Variants in TG observed in about 807,000 individuals in gnomAD.
The protein encoded by TG is thyroglobulin.
A neutral mutation model predicts 324.7 loss-of-function variants in TG; 270 were observed. That is an observed-to-expected ratio of 0.83 (90% CI 0.75 to 0.92). TG has a LOEUF of 0.92. Among genes scored for constraint, TG ranks in the 40% least tolerant of loss-of-function variants. The probability of loss-of-function intolerance (pLI) is 0.00; values close to 1 mark genes in which losing one functional copy is unlikely to be tolerated. For missense variants in TG, 3,591 were observed against 3,456.4 expected, an observed-to-expected ratio of 1.04 and a Z score of -0.98; for synonymous variants, 1,401 against 1,327.0, an observed-to-expected ratio of 1.06 and a Z score of -1.21.
At chr8:132,875,259 T>A (rs956644310) in intron 5 of TG, among the ~76,000 whole-genome samples, 5 of 152,208 alleles carry the variant, frequency 3.3e-5, no homozygotes, top group Non-Finnish European at 7.3e-5. Context: ...TGAGAGCAAG[T>A]ATAAATCTCA....
intron 34 of TG, 129 bp from the exon 35 acceptor site, chr8:132,983,221 G>A: frequency 4.2e-6 from 4 of 948,410 alleles, no homozygotes; most frequent in South Asian, 1.3e-5. Context: ...ACCGATACAG[G>A]TTGGGACAAT....
intron 45 of TG, among the ~76,000 whole-genome samples, chr8:133,121,006 G>GACA (rs1425247825): frequency 6.6e-6 from 1 of 152,152 alleles, no homozygotes; most frequent in Non-Finnish European, 1.5e-5. Context: ...TGTCCCTAGA[G>GACA]ACAGGGTTCC....
At chr8:133,047,777 C>A in intron 41 of TG, 1 of 1,018,392 alleles carries the variant, frequency 9.8e-7, no homozygotes, top group Non-Finnish European at 1.6e-6. Context: ...CAGCCAGGAG[C>A]AAAACATGCT....
In TG at chr8:132,915,899, A is replaced by G. The variant is rs77630579; in HGVS notation, c.4378+2634A>G. On this transcript the variant is annotated intron_variant, in intron 20 of 47. Transcript: ENST00000220616. ...ATCCTCTTACTCCAAAGGGTTGGAA[A>G]GATCCAGAATGGAAGTCTCAAAAGC... Among the ~76,000 whole-genome samples, 1,465 of 152,334 alleles carry G rather than the reference A, an allele frequency of 9.6e-3. 25 individuals carry two copies. The highest frequency in any genetic ancestry group is 0.033 in the African/African-American group (1,387 of 41,570).
chr8:132,872,427 A>G (rs1460704055), intron 4 of TG, among the ~76,000 whole-genome samples: 3 of 148,802 alleles, frequency 2.0e-5, no homozygotes, highest in East Asian at 2.0e-4. Context: ...GCAGTGAGCC[A>G]AGATCGCGCC....
chr8:133,067,813 G>A (rs2981293), intron 41 of TG, among the ~76,000 whole-genome samples: 32,591 of 122,544 alleles, frequency 0.27, 4,716 homozygotes, highest in East Asian at 0.55. Flanking sequence ...AGAAAGAAAG[G>A]AAGGAAGGAA....
intron 41 of TG, among the ~76,000 whole-genome samples, chr8:133,043,542 A>G (rs1257275167): frequency 6.6e-6 from 1 of 152,202 alleles, no homozygotes; most frequent in Non-Finnish European, 1.5e-5. Context: ...TACATGAACG[A>G]TTGTGTTTAA....
intron 35 of TG, among the ~76,000 whole-genome samples, chr8:133,010,889 T>A (rs140585044): frequency 3.4e-4 from 51 of 152,096 alleles, no homozygotes; most frequent in African/African-American, 1.2e-3. Flanking sequence ...CAGAGAGCAG[T>A]TGGAGGGCAC....
chr8:133,004,318 G>A (rs571192799), intron 35 of TG, among the ~76,000 whole-genome samples: 1 of 152,190 alleles, frequency 6.6e-6, no homozygotes, highest in Non-Finnish European at 1.5e-5. Context: ...GGGCTGATCT[G>A]TCAATTACCA....
At chr8:133,102,654 C>A in intron 43 of TG, 2 of 1,259,500 alleles carry the variant, frequency 1.6e-6, no homozygotes, top group South Asian at 2.6e-5. Flanking sequence ...CAGTCGCTGT[C>A]ATGGGGAATT....
At chr8:132,968,251 C>A (rs1474096184) in intron 31 of TG, among the ~76,000 whole-genome samples, 1 of 152,122 alleles carries the variant, frequency 6.6e-6, no homozygotes, top group African/African-American at 2.4e-5. Context: ...AATGTTTATT[C>A]ACACTTAAAA....
chr8:132,965,467 A>G (rs921025672), intron 29 of TG, among the ~76,000 whole-genome samples: 8 of 152,228 alleles, frequency 5.3e-5, no homozygotes, highest in Non-Finnish European at 1.2e-4. Context: ...GGAGGTATAT[A>G]TGGGATGTAG....
chr8:132,889,800 G>A (rs1326984767), intron 10 of TG, among the ~76,000 whole-genome samples: 1 of 152,160 alleles, frequency 6.6e-6, no homozygotes, highest in African/African-American at 2.4e-5. Flanking sequence ...TTTTGAGACT[G>A]AGTTTCGCTC....
chr8:132,872,477 CAAAAAAA>C (rs11359047), intron 4 of TG, among the ~76,000 whole-genome samples: 1 of 73,154 alleles, frequency 1.4e-5, no homozygotes, highest in Admixed American at 1.6e-4. Context: ...GACTCCGTCT[CAAAAAAA>C]AAAAAAAAAA....
In TG at chr8:132,966,668, C is replaced by T. The variant is rs1828609922; in HGVS notation, c.5657C>T (p.Ala1886Val). The change falls in exon 30 of 48, where the codon GCC becomes GTC. Residue 1886 changes from alanine (A) to valine (V), a missense_variant. Coordinates refer to ENST00000220616, the MANE Select transcript of TG (RefSeq NM_003235.5). ...KHWLFKHLFSAQQANLWCLSR... is the reference protein window; with the variant it reads ...KHWLFKHLFSVQQANLWCLSR... The stretch of plus-strand genomic sequence containing the variant: ...TGGCTTTTCAAGCACCTGTTTTCAG[C>T]CCAGCAGGCAAACCTATGGTGCCTT... 1 of 1,613,972 alleles carries T rather than the reference C, an allele frequency of 6.2e-7. No homozygotes were observed. Among genetic ancestry groups the T allele is most frequent in the South Asian group, 1.1e-5 (1 of 91,084 alleles).
rs1016185504 is a variant in TG at position 132,898,205 on chromosome 8, T to C, written c.3176T>C (p.Ile1059Thr). 2.5e-6 allele frequency: 4 copies of C among 1,605,802 alleles called. No individual in the cohort carries two copies. The highest frequency in any genetic ancestry group is 1.7e-6 in the Non-Finnish European group (2 of 1,176,410). Residue 1059 changes from isoleucine (I) to threonine (T), a missense_variant, in exon 13 of 48, where the codon ATC becomes ACC. Physicochemically the swap from Ile to Thr is moderately conservative, Grantham distance 89. Coordinates refer to ENST00000220616, the MANE Select transcript of TG (RefSeq NM_003235.5). Reference protein sequence around the residue: ...CWCVDEKGGFIPGSLTARSLQ... With the variant: ...CWCVDEKGGFTPGSLTARSLQ... ...TGTGTAGATGAGAAAGGAGGGTTCA[T>C]CCCTGGCTCACTGACTGCCCGCTCT...
At position 133,032,777 on chromosome 8, in the gene TG, G is replaced by T. The variant is rs182771587; in HGVS notation, c.7239+2754G>T. Reference sequence around the variant, plus strand: ...CCAGAACTGTTGAAACATTGGTCAAGGGAAACCCTGTGATGATAATGAATA... The same window carrying T: ...CCAGAACTGTTGAAACATTGGTCAATGGAAACCCTGTGATGATAATGAATA... On this transcript the variant is annotated intron_variant, in intron 41 of 47. Coordinates refer to ENST00000220616, the MANE Select transcript of TG (RefSeq NM_003235.5). Among the ~76,000 whole-genome samples, 267 of 152,314 alleles carry T rather than the reference G, an allele frequency of 1.8e-3. 1 individual carries two copies. Among genetic ancestry groups the T allele is most frequent in the Admixed American group, 1.1e-3 (17 of 15,294 alleles).
chr8:133,067,123 G>A (rs867902237), intron 41 of TG, among the ~76,000 whole-genome samples: 9 of 152,238 alleles, frequency 5.9e-5, no homozygotes, highest in Middle Eastern at 3.4e-3. Flanking sequence ...TTAGCATCCG[G>A]TGGTCTCCCT....
intron 10 of TG, 98 bp downstream of exon 10, chr8:132,888,666 T>C (rs1279264400): frequency 1.5e-5 from 19 of 1,284,582 alleles, no homozygotes; most frequent in Non-Finnish European, 1.9e-5. Context: ...TGGGAGGGTA[T>C]TGAGTGTCAA....
Sources: allele counts gnomAD v4.1 joint callset (sites outside exome capture counted in the v4.1 genomes callset), GRCh38; gene constraint gnomAD v4.1.1; transcripts MANE v1.5; gene names NCBI Gene and HGNC (gene_info 2026-07-23, HGNC 2026-07-21).